ABCC1: variants seen among roughly 807,000 people sequenced by gnomAD.
The protein encoded by ABCC1 is multidrug resistance-associated protein 1.
In ABCC1, 83 loss-of-function variants were observed where a neutral mutation model predicts 172.9. That is an observed-to-expected ratio of 0.48 (90% CI 0.40 to 0.58). The LOEUF (loss-of-function observed/expected upper bound fraction) is 0.58. ABCC1 is among the 20% of genes least tolerant of loss of function. ABCC1 has a pLI of 0.00. For missense variants in ABCC1, 1,817 were observed against 2,002.7 expected, an observed-to-expected ratio of 0.91 and a Z score of 1.77; for synonymous variants, 937 against 825.2, an observed-to-expected ratio of 1.14 and a Z score of -2.32.
In ABCC1 at chr16:16,136,415, G is replaced by A. The variant is rs372477923; in HGVS notation, c.4126-63G>A. On this transcript the variant is annotated intron_variant, in intron 28 of 30. Coordinates refer to ENST00000399410, the MANE Select transcript of ABCC1 (RefSeq NM_004996.4). ...AGTCCTGGCCAGAAGTCCTTAGGTC[G>A]CCTCCATCCATGTCAGCGTGACACA... is the stretch of plus-strand genomic sequence containing the variant. The A allele has an allele frequency of 2.5e-5, 39 of 1,571,376 alleles. 1 individual carries two copies. Among genetic ancestry groups the A allele is most frequent in the African/African-American group, 6.8e-5 (5 of 73,922 alleles).
At chr16:16,113,563 G>C (rs2044715915) in intron 22 of ABCC1, among the ~76,000 whole-genome samples, 1 of 152,246 alleles carries the variant, frequency 6.6e-6, no homozygotes, top group African/African-American at 2.4e-5. Flanking sequence ...GCTGAGGTGG[G>C]AGGATTGCTT....
At chr16:15,972,364 G>A (rs2046389044) in intron 1 of ABCC1, among the ~76,000 whole-genome samples, 1 of 152,094 alleles carries the variant, frequency 6.6e-6, no homozygotes, top group Non-Finnish European at 1.5e-5. Flanking sequence ...GTATTCATTT[G>A]TTTATTTTTT....
chr16:16,022,794 CT>C (rs1338704987), intron 5 of ABCC1, among the ~76,000 whole-genome samples: 1 of 152,222 alleles, frequency 6.6e-6, no homozygotes, highest in East Asian at 1.9e-4. Context: ...AAGAATTCTA[CT>C]GTGAGCAGTC....
At chr16:16,029,341 G>A (rs1567328299) in intron 5 of ABCC1, among the ~76,000 whole-genome samples, 1 of 152,090 alleles carries the variant, frequency 6.6e-6, no homozygotes, top group East Asian at 1.9e-4. Context: ...TCGTGCCTCA[G>A]CCTCTTGAGT....
intron 1 of ABCC1, among the ~76,000 whole-genome samples, chr16:16,006,519 A>G (rs865890452): frequency 4.0e-5 from 6 of 151,818 alleles, no homozygotes; most frequent in African/African-American, 1.2e-4. Flanking sequence ...TTATGTATGT[A>G]TCTATGAATT....
chr16:16,080,702 A>G (rs2050772644), intron 16 of ABCC1, among the ~76,000 whole-genome samples: 2 of 152,212 alleles, frequency 1.3e-5, no homozygotes, highest in Non-Finnish European at 2.9e-5. Context: ...TACAGTAAAC[A>G]TTAGCAAATT....
intron 1 of ABCC1, among the ~76,000 whole-genome samples, chr16:15,979,278 A>C (rs1016572578): frequency 1.8e-4 from 28 of 152,150 alleles, no homozygotes; most frequent in Admixed American, 1.4e-3. Flanking sequence ...AGACAGAGCA[A>C]GACTCTGTCT....
At chr16:16,034,376 A>G (rs2048668515) in intron 6 of ABCC1, among the ~76,000 whole-genome samples, 1 of 152,070 alleles carries the variant, frequency 6.6e-6, no homozygotes, top group South Asian at 2.1e-4. Context: ...AGATGTTTTA[A>G]ATAATTTCTT....
At position 16,114,997 on chromosome 16, in the gene ABCC1, C is replaced by T; in HGVS notation, c.3311C>T (p.Ala1104Val). The change falls in exon 23 of 31, where the codon GCC becomes GTC. Residue 1104 changes from alanine to valine, a missense_variant. By Grantham distance (64) the Ala-to-Val change is moderately conservative. Transcript: ENST00000399410. ...GGCTCCCTGTTCAACGTCATTGGTG[C>T]CTGCATCGTTATCCTGCTGGCCACG... ...FMGSLFNVIG[A>V]CIVILLATPI... 1 of 1,614,200 alleles carries T rather than the reference C, an allele frequency of 6.2e-7. No homozygotes were observed. Among genetic ancestry groups the T allele is most frequent in the Non-Finnish European group, 8.5e-7 (1 of 1,180,030 alleles).
At chr16:15,995,045 TG>T (rs1302655224) in intron 1 of ABCC1, among the ~76,000 whole-genome samples, 1 of 151,298 alleles carries the variant, frequency 6.6e-6, no homozygotes, top group African/African-American at 2.4e-5. Context: ...GCAGGAGAAT[TG>T]CTTGAACTCG....
chr16:15,978,619 G>A (rs1362403245), intron 1 of ABCC1, among the ~76,000 whole-genome samples: 1 of 152,072 alleles, frequency 6.6e-6, no homozygotes, highest in African/African-American at 2.4e-5. Context: ...GTTGTTTCTG[G>A]TTCAAGTCCT....
chr16:16,038,895 A>G (rs2048856000), intron 7 of ABCC1, among the ~76,000 whole-genome samples: 1 of 152,110 alleles, frequency 6.6e-6, no homozygotes, highest in Non-Finnish European at 1.5e-5. Flanking sequence ...GTTGCTGGAG[A>G]CACCATGGGA....
intron 12 of ABCC1, among the ~76,000 whole-genome samples, chr16:16,065,985 T>C (rs1053462669): frequency 1.3e-5 from 2 of 150,966 alleles, no homozygotes; most frequent in African/African-American, 4.9e-5. Flanking sequence ...GGGTTTTTTG[T>C]ATAAATGATA....
chr16:16,044,550 T>A lies in ABCC1; in HGVS notation c.910T>A (p.Ser304Thr), dbSNP rs769685769. Reference sequence around the variant, plus strand: ...GGAGGTGGAGGCTTTGATCGTCAAGTCCCCACAGAAGGAGTGGAACCCCTC... The same window carrying A: ...GGAGGTGGAGGCTTTGATCGTCAAGACCCCACAGAAGGAGTGGAACCCCTC... ...NEEVEALIVK[S>T]PQKEWNPSLF... Residue 304 changes from serine (S) to threonine (T), a missense_variant, in exon 8 of 31, where the codon TCC becomes ACC. By Grantham distance (58) the Ser-to-Thr change is moderately conservative. Coordinates refer to ENST00000399410, the MANE Select transcript of ABCC1 (RefSeq NM_004996.4). 27 of 1,613,966 alleles carry A rather than the reference T, an allele frequency of 1.7e-5. No homozygotes were observed. Among genetic ancestry groups the A allele is most frequent in the Non-Finnish European group, 2.3e-5 (27 of 1,180,014 alleles).
intron 1 of ABCC1, among the ~76,000 whole-genome samples, chr16:16,002,720 T>G (rs1249388522): frequency 6.6e-6 from 1 of 150,666 alleles, no homozygotes; most frequent in Non-Finnish European, 1.5e-5. Flanking sequence ...TGCAGTGAGC[T>G]ATGATTGCAC....
At chr16:16,095,483 A>G (rs1361315815) in intron 19 of ABCC1, among the ~76,000 whole-genome samples, 2 of 152,196 alleles carry the variant, frequency 1.3e-5, no homozygotes, top group Non-Finnish European at 2.9e-5. Context: ...CGATGTCGCT[A>G]AACATCCTAC....
At chr16:15,991,271 T>TTG (rs1244393982) in intron 1 of ABCC1, among the ~76,000 whole-genome samples, 9 of 151,156 alleles carry the variant, frequency 6.0e-5, no homozygotes, top group Middle Eastern at 3.4e-3. Context: ...CAGGGAAGCT[T>TTG]TGTGTGTGTG....
chr16:16,113,006 A>G (rs975990646), intron 22 of ABCC1, among the ~76,000 whole-genome samples: 1 of 152,162 alleles, frequency 6.6e-6, no homozygotes, highest in African/African-American at 2.4e-5. Flanking sequence ...CCGATTAAAG[A>G]GGCCGAGATG....
At chr16:16,072,050 C>T (rs150090677) in intron 14 of ABCC1, among the ~76,000 whole-genome samples, 1 of 152,270 alleles carries the variant, frequency 6.6e-6, no homozygotes, top group African/African-American at 2.4e-5. Context: ...TGATTCTATT[C>T]TGGGCTAAAT....
Sources: allele counts gnomAD v4.1 joint callset (sites outside exome capture counted in the v4.1 genomes callset), GRCh38; gene constraint gnomAD v4.1.1; transcripts MANE v1.5; gene names NCBI Gene and HGNC (gene_info 2026-07-23, HGNC 2026-07-21).